The following LINGO1 variants were observed in gnomAD, a reference collection of about 807,000 sequenced individuals.
LINGO1 encodes leucine-rich repeat and immunoglobulin-like domain-containing nogo receptor-interacting protein 1.
In LINGO1, 11 loss-of-function variants were observed where a neutral mutation model predicts 37.3. That is an observed-to-expected ratio of 0.29 (90% CI 0.19 to 0.49). The LOEUF (loss-of-function observed/expected upper bound fraction) is 0.49, where lower values mean the gene tolerates loss of function less well. Among genes scored for constraint, LINGO1 ranks in the 20% least tolerant of loss-of-function variants. LINGO1 has a pLI of 0.99. For synonymous variants in LINGO1, 387 were observed against 403.0 expected (o/e 0.96, Z 0.48); for missense variants, 585 against 878.2 (o/e 0.67, Z 4.22).
intron 1 of LINGO1, among the ~76,000 whole-genome samples, chr15:77,769,877 T>C (rs1285644832): frequency 6.6e-6 from 1 of 152,182 alleles, no homozygotes; most frequent in Non-Finnish European, 1.5e-5. Flanking sequence ...GACGTGAGCC[T>C]GTGCAATTCT....
At chr15:77,781,592 C>A (rs2076717502) in intron 1 of LINGO1, among the ~76,000 whole-genome samples, 1 of 152,238 alleles carries the variant, frequency 6.6e-6, no homozygotes, top group South Asian at 2.1e-4. Context: ...CCAGTCGCTG[C>A]ACGTGGTGCC....
chr15:77,780,140 T>C lies in LINGO1; in HGVS notation c.-257+6729A>G, dbSNP rs530848783. 4.6e-5 allele frequency among the ~76,000 whole-genome samples: 7 copies of C among 152,296 alleles called. 1 individual carries two copies. The highest frequency in any genetic ancestry group is 1.0e-4 in the Non-Finnish European group (7 of 68,016). ...CAGCTGGCAGGTGGAATGGCAGGTATGAACACCAAGAACAAAATAGTAGAA... is the reference window on the plus strand; with the variant it reads ...CAGCTGGCAGGTGGAATGGCAGGTACGAACACCAAGAACAAAATAGTAGAA... On this transcript the variant is annotated intron_variant, in intron 1 of 3. Transcript: ENST00000561686.
Position 77,772,665 on chromosome 15 carries a change from T to C in LINGO1, c.-257+14204A>G, listed in dbSNP as rs114756627. On this transcript the variant is annotated intron_variant, in intron 1 of 3. Transcript: ENST00000561686. ...TGTCACCTCTATCATAAATTGTCCTTCTCAGCTGCAGAAAAAGGTCCATTA... is the reference window on the plus strand; with the variant it reads ...TGTCACCTCTATCATAAATTGTCCTCCTCAGCTGCAGAAAAAGGTCCATTA... 9.1e-3 allele frequency among the ~76,000 whole-genome samples: 1,373 copies of C among 151,246 alleles called. 26 individuals are homozygous for C. The highest frequency in any genetic ancestry group is 0.032 in the African/African-American group (1,330 of 41,502).
chr15:77,623,095 C>T (rs1159114233), intron 1 of LINGO1, among the ~76,000 whole-genome samples: 1 of 152,222 alleles, frequency 6.6e-6, no homozygotes, highest in Non-Finnish European at 1.5e-5. Flanking sequence ...AGAGAGCCCA[C>T]CAGACAAATG....
At chr15:77,706,276 TG>T (rs1386411955) in intron 2 of LINGO1, among the ~76,000 whole-genome samples, 2 of 152,186 alleles carry the variant, frequency 1.3e-5, no homozygotes, top group East Asian at 3.9e-4. Context: ...GCACCTGTCC[TG>T]GGCCAGGCCC....
chr15:77,813,556 AG>A (rs764241592), intron 1 of LINGO1, among the ~76,000 whole-genome samples: 219 of 152,254 alleles, frequency 1.4e-3, no homozygotes, highest in Middle Eastern at 0.014. Flanking sequence ...ATGCCCCAAG[AG>A]GGCAGAGGCT....
intron 1 of LINGO1, among the ~76,000 whole-genome samples, chr15:77,758,702 C>T (rs1031182726): frequency 5.3e-5 from 8 of 152,130 alleles, no homozygotes; most frequent in African/African-American, 1.9e-4. Context: ...CTCTGTGCCT[C>T]AGTTTCCTCA....
intron 1 of LINGO1, among the ~76,000 whole-genome samples, chr15:77,812,398 C>G (rs996745889): frequency 8.5e-5 from 13 of 152,220 alleles, no homozygotes; most frequent in African/African-American, 3.1e-4. Flanking sequence ...GACAAAGAGA[C>G]TGAAATCTCC....
intron 2 of LINGO1, among the ~76,000 whole-genome samples, chr15:77,794,591 T>TATATATATA (rs1491171570): frequency 7.0e-5 from 2 of 28,608 alleles, no homozygotes; most frequent in Non-Finnish European, 7.4e-5. Context: ...TATATATATA[T>TATATATATA]TTTTTTTTTT....
chr15:77,638,648 T>G (rs978217126), upstream of LINGO1, among the ~76,000 whole-genome samples: 5 of 152,224 alleles, frequency 3.3e-5, no homozygotes, highest in African/African-American at 1.2e-4. Flanking sequence ...AGCCTGTTAT[T>G]AAGTCAAAGG....
intron 2 of LINGO1, among the ~76,000 whole-genome samples, chr15:77,726,061 G>A (rs1210526733): frequency 1.3e-5 from 2 of 152,178 alleles, no homozygotes; most frequent in African/African-American, 4.8e-5. Flanking sequence ...TGGCAAATGT[G>A]GGACTCAGCA....
chr15:77,761,857 C>G (rs1027177488), intron 1 of LINGO1, among the ~76,000 whole-genome samples: 2 of 152,230 alleles, frequency 1.3e-5, no homozygotes, highest in African/African-American at 4.8e-5. Context: ...TGCCCAGCCC[C>G]TGGAGTCTCC....
At chr15:77,760,780 A>G (rs1022809005) in intron 1 of LINGO1, among the ~76,000 whole-genome samples, 2 of 152,164 alleles carry the variant, frequency 1.3e-5, no homozygotes, top group African/African-American at 4.8e-5. Flanking sequence ...GGAATAAGTG[A>G]GTACATCCTG....
At position 77,619,061 on chromosome 15, in the gene LINGO1, C is replaced by T. The variant is rs569830110; in HGVS notation, c.7-3161G>A. On this transcript the variant is annotated intron_variant, in intron 1 of 1. Coordinates refer to ENST00000355300, the MANE Select transcript of LINGO1 (RefSeq NM_032808.7). ...AATGCCACCAAGTCCTGCCTAATGA[C>T]GAAAGGTGAGAGCTTCCTAGTGACC... Among the ~76,000 whole-genome samples the T allele has an allele frequency of 7.5e-4, 114 of 152,278 alleles. 1 individual carries two copies. The highest frequency in any genetic ancestry group is 9.7e-4 in the Non-Finnish European group (66 of 68,022).
chr15:77,757,340 C>T (rs1029625545), intron 1 of LINGO1, among the ~76,000 whole-genome samples: 1 of 152,232 alleles, frequency 6.6e-6, no homozygotes, highest in Non-Finnish European at 1.5e-5. Flanking sequence ...CTGGGCTTGT[C>T]AGGCACTGAC....
Position 77,816,675 on chromosome 15 carries a change from T to C in LINGO1, c.-458+3583A>G, listed in dbSNP as rs1342961000. 2.9e-4 allele frequency among the ~76,000 whole-genome samples: 44 copies of C among 152,124 alleles called. 1 individual carries two copies. The highest frequency in any genetic ancestry group is 2.9e-5 in the Non-Finnish European group (2 of 68,006). Reference sequence around the variant, plus strand: ...GCAGCCAGTAGGGGTGGGGAGCCCCTGGCTGGAATTTTCATCCCCGGCAGA... The same window carrying C: ...GCAGCCAGTAGGGGTGGGGAGCCCCCGGCTGGAATTTTCATCCCCGGCAGA... On this transcript the variant is annotated intron_variant, in intron 1 of 5. Coordinates refer to the LINGO1 transcript ENST00000562933.
chr15:77,658,637 G>A (rs989406853), intron 3 of LINGO1, among the ~76,000 whole-genome samples: 3 of 152,244 alleles, frequency 2.0e-5, no homozygotes, highest in African/African-American at 4.8e-5. Context: ...AAAGAAATGA[G>A]GGTGACCAAT....
At position 77,614,448 on chromosome 15, in the gene LINGO1, C is replaced by T. The variant is rs746499302; in HGVS notation, c.1459G>A (p.Ala487Thr). 9 of 1,611,188 alleles carry T rather than the reference C, an allele frequency of 5.6e-6. No individual in the cohort carries two copies. The highest frequency in any genetic ancestry group is 3.3e-5 in the South Asian group (3 of 91,088). The change falls in exon 2 of 2, where the codon GCC becomes ACC. Residue 487 changes from alanine (A) to threonine (T), a missense_variant. This residue lies in a region of LINGO1 where 484 missense variants were observed against 735.0 expected (regional missense o/e 0.66). Coordinates refer to ENST00000355300, the MANE Select transcript of LINGO1 (RefSeq NM_032808.7). ...FPDGTLEVRY[A>T]QVQDNGTYLC... ...TACGTGCCGTTGTCCTGTACCTGGG[C>T]GTAGCGCACCTCCAGCGTGCCATCA...
intron 3 of LINGO1, among the ~76,000 whole-genome samples, chr15:77,664,130 A>AGAGTGT (rs1555527544): frequency 7.7e-6 from 1 of 130,300 alleles, no homozygotes; most frequent in Non-Finnish European, 1.6e-5. Flanking sequence ...ACACAGGAGC[A>AGAGTGT]GTGTGTGTGT....
Sources: allele counts gnomAD v4.1 joint callset (sites outside exome capture counted in the v4.1 genomes callset), GRCh38; gene constraint gnomAD v4.1.1; regional missense constraint gnomAD v4.1.1; transcripts MANE v1.5; gene names NCBI Gene and HGNC (gene_info 2026-07-23, HGNC 2026-07-21).